Variants in F2 observed in about 807,000 individuals in gnomAD.
F2 encodes the protein coagulation factor II, thrombin.
Under a neutral mutation model 81.9 loss-of-function variants are expected in F2, and 34 were observed. The observed-to-expected ratio is 0.42, with a 90% confidence interval of 0.32 to 0.55. F2 has a LOEUF of 0.55. Ranked by LOEUF, F2 falls within the 20% of genes least tolerant of loss-of-function variation. The pLI, the probability that F2 is intolerant of heterozygous loss-of-function variation, is 0.18. For missense variants in F2, 630 were observed against 833.4 expected (o/e 0.76, Z 3.00); for synonymous variants, 296 against 326.4 (o/e 0.91, Z 1.01).
At position 46,723,405 on chromosome 11, in the gene F2, G is replaced by C. The variant is rs1223889302; in HGVS notation, c.446G>C (p.Gly149Ala). The C allele has an allele frequency of 6.2e-7, 1 of 1,613,904 alleles. No individual in the cohort carries two copies. The highest frequency in any genetic ancestry group is 1.7e-5 in the Admixed American group (1 of 59,964). Residue 149 changes from glycine to alanine, a missense_variant, in exon 6 of 14, where the codon GGG (glycine) becomes GCG (alanine). By Grantham distance (60) the Gly-to-Ala change is moderately conservative. Transcript: ENST00000311907. This position sits in a 1 kb window ranked among gnomAD's most constrained non-coding sequence, Gnocchi z 5.6. Reference sequence around the variant, plus strand: ...AGAATCAACTCCACTACCCATCCTGGGGCCGACCTACAGGAGAATTTCTGC... The same window carrying C: ...AGAATCAACTCCACTACCCATCCTGCGGCCGACCTACAGGAGAATTTCTGC... ...KPEINSTTHPGADLQENFCRN... is the reference protein window; with the variant it reads ...KPEINSTTHPAADLQENFCRN...
chr11:46,720,562 G>T lies in F2; in HGVS notation c.265+15G>T, dbSNP rs770573470. The stretch of plus-strand genomic sequence containing the variant: ...CAAGTACACAGGTGAGCACCGGGAA[G>T]GATTTGCCCCAGGAAGGGAGGCCTG... On this transcript the variant is annotated intron_variant, in intron 3 of 13. Coordinates refer to ENST00000311907, the MANE Select transcript of F2 (RefSeq NM_000506.5). The T allele has an allele frequency of 6.2e-7, 1 of 1,614,118 alleles. No homozygotes were observed. The highest frequency in any genetic ancestry group is 8.5e-7 in the Non-Finnish European group (1 of 1,180,018).
Position 46,728,433 on chromosome 11 carries a change from C to CGT in F2, c.1299-229_1299-228dup. Reference sequence around the variant, plus strand: ...AAAATAGAGTCTGTCTGGACTAGGGCGTGCAGCCTGTGCCCCTGTCCCCGT... The same window carrying CGT: ...AAAATAGAGTCTGTCTGGACTAGGGCGTGTGCAGCCTGTGCCCCTGTCCCCGT... On this transcript the variant is annotated intron_variant, in intron 10 of 13. Coordinates refer to ENST00000311907, the MANE Select transcript of F2 (RefSeq NM_000506.5). The surrounding 1 kb of genome is among the most constrained non-coding windows in gnomAD (Gnocchi z 5.1). Among the ~76,000 whole-genome samples the CGT allele has an allele frequency of 6.6e-6, 1 of 152,162 alleles. No individual in the cohort carries two copies. The highest frequency in any genetic ancestry group is 6.5e-5 in the Admixed American group (1 of 15,280).
intron 6 of F2, among the ~76,000 whole-genome samples, chr11:46,725,069 CTT>C (rs71455298): frequency 1.7e-4 from 18 of 106,222 alleles, no homozygotes; most frequent in Non-Finnish European, 1.6e-4. Context: ...TGCGCCCGGC[CTT>C]TTTTTTTTTT....
chr11:46,733,684 A>G (rs896724764), intron 12 of F2, among the ~76,000 whole-genome samples: 2 of 151,952 alleles, frequency 1.3e-5, no homozygotes, highest in Non-Finnish European at 2.9e-5. Flanking sequence ...TTAAATTTTT[A>G]CCAATCTGAG....
At chr11:46,738,593 C>T (rs956804152) in intron 12 of F2, among the ~76,000 whole-genome samples, 1 of 152,074 alleles carries the variant, frequency 6.6e-6, no homozygotes. Flanking sequence ...CCTCTCTTAG[C>T]CTCCCGAGTA....
rs532990120 is a variant in F2 at position 46,720,484 on chromosome 11, G to A, written c.241-39G>A. 4.3e-6 allele frequency: 7 copies of A among 1,613,324 alleles called. No individual in the cohort carries two copies. The Admixed American group carries it at 8.3e-5, about 19-fold the overall frequency. On this transcript the variant is annotated intron_variant, in intron 2 of 13. Coordinates refer to ENST00000311907, the MANE Select transcript of F2 (RefSeq NM_000506.5). Reference sequence around the variant, plus strand: ...ACATTTACTAAAACAACACAAAACAGGAGCTGCCGTAGCCTCACTCCCAGC... The same window carrying A: ...ACATTTACTAAAACAACACAAAACAAGAGCTGCCGTAGCCTCACTCCCAGC...
chr11:46,720,797 G>A lies in F2; in HGVS notation c.273G>A (p.Glu91=). The A allele has an allele frequency of 6.2e-7, 1 of 1,614,112 alleles. No homozygotes were observed. The highest frequency in any genetic ancestry group is 8.5e-7 in the Non-Finnish European group (1 of 1,180,036). The change falls in exon 4 of 14, where the codon GAG becomes GAA. Residue 91 remains glutamate (E), a synonymous_variant. Coordinates refer to ENST00000311907, the MANE Select transcript of F2 (RefSeq NM_000506.5). Reference sequence around the variant, plus strand: ...CACCTGGGTCTTTTCCAGCTTGTGAGACAGCGAGGACGCCTCGAGATAAGC... The same window carrying A: ...CACCTGGGTCTTTTCCAGCTTGTGAAACAGCGAGGACGCCTCGAGATAAGC... ...DVFWAKYTAC[E]TARTPRDKLA...
In F2 at chr11:46,726,850, GC is replaced by G; in HGVS notation, c.1130+16del. 1 of 1,613,532 alleles carries G rather than the reference GC, an allele frequency of 6.2e-7. No individual in the cohort carries two copies. The highest frequency in any genetic ancestry group is 1.1e-5 in the South Asian group (1 of 91,084). ...GCATGTCACCTTGGTGTGTCCTGGA[GC>G]CCTGCGCTACCATTCACTCCTGGGG... On this transcript the variant is annotated intron_variant, in intron 9 of 13. Coordinates refer to ENST00000311907, the MANE Select transcript of F2 (RefSeq NM_000506.5). This position sits in a 1 kb window ranked among gnomAD's most constrained non-coding sequence, Gnocchi z 5.9.
intron 12 of F2, among the ~76,000 whole-genome samples, chr11:46,732,919 A>T (rs999074819): frequency 2.0e-5 from 3 of 152,136 alleles, no homozygotes; most frequent in African/African-American, 7.2e-5. Flanking sequence ...TGTAGTCAAG[A>T]GTGGAATTTA....
intron 12 of F2, among the ~76,000 whole-genome samples, chr11:46,737,081 T>C (rs1423203967): frequency 6.6e-6 from 1 of 152,356 alleles, no homozygotes; most frequent in African/African-American, 2.4e-5. Flanking sequence ...AATTAGTTAA[T>C]GGCTTGCCGG....
chr11:46,728,514 C>G lies in F2; in HGVS notation c.1299-150C>G, dbSNP rs3136472. ...ACGGCTTTAGGCCCAGGAAGAAACA[C>G]CCAGGGGGCTGCCATGGCAGGAACC... On this transcript the variant is annotated intron_variant, in intron 10 of 13. Coordinates refer to ENST00000311907, the MANE Select transcript of F2 (RefSeq NM_000506.5). This position sits in a 1 kb window ranked among gnomAD's most constrained non-coding sequence, Gnocchi z 5.1. The G allele has an allele frequency of 0.074, 64,970 of 878,458 alleles. 2,885 individuals are homozygous for G. Among genetic ancestry groups the G allele is most frequent in the Middle Eastern group, 0.1 (299 of 2,938 alleles). The allele number at this position is 878,458 out of a possible 1,614,324, so 54.4% of individuals were successfully genotyped here. A position where few individuals can be genotyped will look rare whatever the true frequency, so the allele number is the denominator to read the frequency against.
intron 12 of F2, among the ~76,000 whole-genome samples, chr11:46,735,141 G>GTTT (rs2064936307): frequency 6.6e-6 from 1 of 152,056 alleles, no homozygotes; most frequent in Non-Finnish European, 1.5e-5. Flanking sequence ...GCAAGACCCT[G>GTTT]TCTCTACAAG....
rs777855413 is a variant in F2 at position 46,723,540 on chromosome 11, G to A, written c.559+22G>A. ...TGTGGTAAGCTGGGGGCAGTGGGGC[G>A]GCCCATGGCCAAGGCCCGGGGGCTT... On this transcript the variant is annotated intron_variant, in intron 6 of 13. Transcript: ENST00000311907. This position sits in a 1 kb window ranked among gnomAD's most constrained non-coding sequence, Gnocchi z 5.6. 3.8e-6 allele frequency: 6 copies of A among 1,597,912 alleles called. No individual in the cohort carries two copies. The highest frequency in any genetic ancestry group is 3.3e-5 in the South Asian group (3 of 89,720).
At chr11:46,720,088 C>G in intron 2 of F2, 2 of 632,928 alleles carry the variant, frequency 3.2e-6, no homozygotes, top group Admixed American at 2.9e-5. Flanking sequence ...ATGGGGAGGC[C>G]TCCACAGTCT....
At chr11:46,736,087 C>T (rs2064942823) in intron 12 of F2, among the ~76,000 whole-genome samples, 1 of 151,944 alleles carries the variant, frequency 6.6e-6, no homozygotes, top group Non-Finnish European at 1.5e-5. Context: ...CCTGTAATCC[C>T]AGCTACTTGG....
At position 46,726,187 on chromosome 11, in the gene F2, G is replaced by T; in HGVS notation, c.874+14G>T. On this transcript the variant is annotated intron_variant, in intron 7 of 13. Transcript: ENST00000311907. This position sits in a 1 kb window ranked among gnomAD's most constrained non-coding sequence, Gnocchi z 5.9. The stretch of plus-strand genomic sequence containing the variant: ...TCAACTATTGTGGTGAGCTGCCTGG[G>T]TAGGGGGCCTGAGTTGCAGGGACAA... 6.2e-7 allele frequency: 1 copy of T among 1,612,638 alleles called. No individual in the cohort carries two copies. The highest frequency in any genetic ancestry group is 8.5e-7 in the Non-Finnish European group (1 of 1,179,956).
At chr11:46,720,673 G>A in intron 3 of F2, 117 bp from the exon 4 acceptor site, 1 of 1,492,480 alleles carries the variant, frequency 6.7e-7, no homozygotes, top group Non-Finnish European at 9.3e-7. Context: ...CTCCTTCCTT[G>A]GTCCCTCCCA....
At chr11:46,729,224 C>T (rs2064895085) in intron 11 of F2, among the ~76,000 whole-genome samples, 156 bp from the exon 12 acceptor site, 1 of 152,160 alleles carries the variant, frequency 6.6e-6, no homozygotes, top group Non-Finnish European at 1.5e-5. Context: ...AAGTGATTCA[C>T]CCGCCTCGGC....
intron 12 of F2, 23 bp from the exon 13 acceptor site, chr11:46,739,023 GCA>G: frequency 6.2e-7 from 1 of 1,613,520 alleles, no homozygotes; most frequent in East Asian, 2.2e-5. Flanking sequence ...ATGCTCCTGA[GCA>G]CAGACGGCTG....
Sources: gnomAD v4.1 joint callset for allele counts (sites outside exome capture counted in the v4.1 genomes callset) on GRCh38, gnomAD v4.1.1 for gene constraint, Gnocchi (gnomAD v3.1) non-coding constraint, MANE v1.5 for transcripts, NCBI Gene and HGNC (gene_info 2026-07-23, HGNC 2026-07-21) for gene names.